The following DST variants were observed in gnomAD, a reference collection of about 807,000 sequenced individuals.
DST encodes bullous pemphigoid antigen.
A neutral mutation model predicts 875.2 loss-of-function variants in DST; 253 were observed. That is an observed-to-expected ratio of 0.29 (90% confidence interval 0.26 to 0.32). The LOEUF (loss-of-function observed/expected upper bound fraction) is 0.32. DST is among the 10% of genes least tolerant of loss of function. DST has a pLI of 1.00. For synonymous variants in DST, 3,124 were observed against 3,197.1 expected (o/e 0.98, Z 0.77); for missense variants, 8,287 against 9,111.6 (o/e 0.91, Z 3.68).
intron 36 of DST, among the ~76,000 whole-genome samples, chr6:56,622,268 C>T (rs112590799): frequency 2.0e-5 from 3 of 152,080 alleles, no homozygotes; most frequent in African/African-American, 7.2e-5. Flanking sequence ...TTAGGCAATG[C>T]AGTGATTTGT....
At chr6:56,489,221 TGTTTTAGA>T (rs1419695226) in intron 86 of DST, among the ~76,000 whole-genome samples, 1 of 152,228 alleles carries the variant, frequency 6.6e-6, no homozygotes, top group Non-Finnish European at 1.5e-5. Flanking sequence ...ATCCTTTATA[TGTTTTAGA>T]TTGTAGAGGA....
intron 9 of DST, among the ~76,000 whole-genome samples, chr6:56,695,219 C>A (rs2099257075): frequency 6.6e-6 from 1 of 151,130 alleles, no homozygotes; most frequent in Admixed American, 6.6e-5. Context: ...TACCATGTGA[C>A]AATCCTGCTT....
intron 80 of DST, among the ~76,000 whole-genome samples, chr6:56,498,285 A>G (rs1203833721): frequency 1.3e-5 from 2 of 152,078 alleles, no homozygotes; most frequent in Admixed American, 6.6e-5. Context: ...CAATCGTCCC[A>G]TTTCAGCCTC....
At chr6:56,463,992 T>G (rs1307274041) in intron 100 of DST, 1 of 639,798 alleles carries the variant, frequency 1.6e-6, no homozygotes, top group South Asian at 1.5e-5. Flanking sequence ...AAATAAAGTG[T>G]GCTTATTCTA....
intron 3 of DST, among the ~76,000 whole-genome samples, chr6:56,885,985 C>T (rs1323961612): frequency 6.6e-6 from 1 of 152,130 alleles, no homozygotes; most frequent in African/African-American, 2.4e-5. Flanking sequence ...TTTACCAATT[C>T]ATAATTGAAT....
chr6:56,892,564 G>C (rs1788090826), intron 3 of DST, among the ~76,000 whole-genome samples: 1 of 152,050 alleles, frequency 6.6e-6, no homozygotes, highest in South Asian at 2.1e-4. Context: ...GAGCTCAAGT[G>C]ATCCTCCCAC....
At chr6:56,630,185 G>T (rs1374351659) in intron 31 of DST, 60 bp downstream of exon 31, 7 of 1,274,924 alleles carry the variant, frequency 5.5e-6, no homozygotes, top group Non-Finnish European at 7.9e-6. Context: ...GAAGATCTAA[G>T]TGCTAGAGAA....
chr6:56,586,581 A>C (rs2152670443), intron 49 of DST, among the ~76,000 whole-genome samples: 1 of 152,220 alleles, frequency 6.6e-6, no homozygotes, highest in South Asian at 2.1e-4. Flanking sequence ...TAATTGGAGC[A>C]TTTAGAGAAC....
At chr6:56,611,459 A>T in intron 38 of DST, 49 bp downstream of exon 38, 1 of 1,350,344 alleles carries the variant, frequency 7.4e-7, no homozygotes, top group Non-Finnish European at 1.1e-6. Context: ...GAAAGCTTTT[A>T]AGAATACTTC....
intron 10 of DST, among the ~76,000 whole-genome samples, chr6:56,654,245 G>T (rs971809805): frequency 6.6e-6 from 1 of 151,862 alleles, no homozygotes; most frequent in Admixed American, 6.6e-5. Flanking sequence ...GTTTCAAAAT[G>T]ACCCAATTAT....
At chr6:56,776,809 C>T (rs1235127439) in intron 4 of DST, among the ~76,000 whole-genome samples, 1 of 152,084 alleles carries the variant, frequency 6.6e-6, no homozygotes, top group African/African-American at 2.4e-5. Flanking sequence ...AACTTACTGG[C>T]ACTAAATGAC....
At chr6:56,781,312 C>T (rs1289364298) in intron 4 of DST, among the ~76,000 whole-genome samples, 1 of 152,134 alleles carries the variant, frequency 6.6e-6, no homozygotes, top group Non-Finnish European at 1.5e-5. Context: ...CTACCTTGGG[C>T]AGTATGGCCA....
At chr6:56,602,400 C>T (rs1240961216) in intron 43 of DST, among the ~76,000 whole-genome samples, 1 of 151,882 alleles carries the variant, frequency 6.6e-6, no homozygotes, top group Non-Finnish European at 1.5e-5. Flanking sequence ...CTAGGAGCAA[C>T]AGGTATATCA....
At chr6:56,925,878 A>G (rs1013839222) in intron 2 of DST, among the ~76,000 whole-genome samples, 1 of 152,222 alleles carries the variant, frequency 6.6e-6, no homozygotes, top group African/African-American at 2.4e-5. Flanking sequence ...CTGAAGCAGA[A>G]CATAATTTCC....
intron 47 of DST, among the ~76,000 whole-genome samples, chr6:56,596,319 G>A (rs1041969621): frequency 1.3e-5 from 2 of 152,020 alleles, no homozygotes; most frequent in South Asian, 2.1e-4. Context: ...GAGCCACCAC[G>A]CCTGGCCCAG....
chr6:56,820,127 G>A (rs2099771334), intron 4 of DST, among the ~76,000 whole-genome samples: 1 of 152,176 alleles, frequency 6.6e-6, no homozygotes, highest in South Asian at 2.1e-4. Flanking sequence ...TCCCAGCTCT[G>A]CCGTTTTCAA....
In DST at chr6:56,639,691, C is replaced by T; in HGVS notation, c.2697+5G>A. 6.2e-7 allele frequency: 1 copy of T among 1,609,172 alleles called. No homozygotes were observed. The highest frequency in any genetic ancestry group is 8.5e-7 in the Non-Finnish European group (1 of 1,176,024). ...GAAACAGAAGGTTTAAAAAAAAAAACTTACCAAGAGTTTTGCATACTGACT... is the reference window on the plus strand; with the variant it reads ...GAAACAGAAGGTTTAAAAAAAAAAATTTACCAAGAGTTTTGCATACTGACT... On this transcript the variant is annotated splice_donor_5th_base_variant and intron_variant, in intron 20 of 103. Transcript: ENST00000680361.
rs757217978 is a variant in DST at position 56,635,729 on chromosome 6, A to C, written c.3061-15T>G. On this transcript the variant is annotated splice_polypyrimidine_tract_variant and intron_variant, in intron 23 of 103. Transcript: ENST00000680361. ...TCATTGAAAAACTAAGGAAAGATGA[A>C]ACCTGGAAGTTAAAGTATGTTAAAT... is the stretch of plus-strand genomic sequence containing the variant. The C allele has an allele frequency of 6.2e-7, 1 of 1,613,196 alleles. No individual in the cohort carries two copies. The highest frequency in any genetic ancestry group is 8.5e-7 in the Non-Finnish European group (1 of 1,179,726).
intron 4 of DST, among the ~76,000 whole-genome samples, chr6:56,743,329 C>G (rs1221204750): frequency 6.6e-6 from 1 of 152,138 alleles, no homozygotes; most frequent in African/African-American, 2.4e-5. Flanking sequence ...ACCATTCAAT[C>G]ACACCACAAT....
Sources: allele counts gnomAD v4.1 joint callset (sites outside exome capture counted in the v4.1 genomes callset), GRCh38; gene constraint gnomAD v4.1.1; transcripts MANE v1.5; gene names NCBI Gene and HGNC (gene_info 2026-07-23, HGNC 2026-07-21).